Variants in SMC4 observed in about 807,000 individuals in gnomAD.
SMC4 encodes structural maintenance of chromosomes protein 4.
SMC4 carries 87 observed loss-of-function variants against 145.6 expected under a neutral mutation model. The ratio of observed to expected loss-of-function variants is 0.60; its 90% CI spans 0.50 to 0.71. The LOEUF (loss-of-function observed/expected upper bound fraction) is 0.71. Among genes scored for constraint, SMC4 ranks in the 30% least tolerant of loss-of-function variants. The probability of loss-of-function intolerance (pLI) is 0.00; values close to 1 mark genes in which losing one functional copy is unlikely to be tolerated. For missense variants in SMC4, 1,447 were observed against 1,537.1 expected (o/e 0.94, Z 0.98); for synonymous variants, 558 against 500.7 (o/e 1.11, Z -1.53).
rs545167463 is a variant in SMC4, at chr3:160,414,347, C to T, written c.1122-20C>T. Reference sequence around the variant, plus strand: ...TGTGCACATTCAAAATAATGACTTACAATATACTTGCTTTGCTAGGAAACT... The same window carrying T: ...TGTGCACATTCAAAATAATGACTTATAATATACTTGCTTTGCTAGGAAACT... On this transcript the variant is annotated intron_variant, in intron 8 of 23. Coordinates refer to ENST00000357388, the MANE Select transcript of SMC4 (RefSeq NM_001002800.3). The T allele has an allele frequency of 2.3e-4, 367 of 1,570,072 alleles. No individual in the cohort carries two copies. The highest frequency in any genetic ancestry group is 2.9e-4 in the Non-Finnish European group (331 of 1,141,988).
At chr3:160,420,287 G>A (rs1717027446) in intron 12 of SMC4, among the ~76,000 whole-genome samples, 2 of 152,180 alleles carry the variant, frequency 1.3e-5, no homozygotes, top group Non-Finnish European at 2.9e-5. Context: ...GATTGCTTCT[G>A]CATCTTGTAT....
intron 1 of SMC4, 32 bp from the exon 2 acceptor site, chr3:160,400,790 C>T (rs1420058014): frequency 4.8e-6 from 7 of 1,471,554 alleles, no homozygotes; most frequent in Non-Finnish European, 6.2e-6. Flanking sequence ...GGCCCGCGGG[C>T]TGACTTGCTC....
intron 7 of SMC4, 49 bp downstream of exon 7, chr3:160,412,502 T>C (rs1716118983): frequency 1.3e-6 from 2 of 1,536,402 alleles, no homozygotes; most frequent in Admixed American, 2.0e-5. Context: ...TTTTTAACCA[T>C]TAAGTCAAAG....
At position 160,433,916 on chromosome 3, in the gene SMC4, G is replaced by A; in HGVS notation, c.*107G>A. 1.3e-6 allele frequency: 1 copy of A among 767,830 alleles called. No individual in the cohort carries two copies. The highest frequency in any genetic ancestry group is 2.1e-6 in the Non-Finnish European group (1 of 483,742). 47.6% of individuals were successfully genotyped at this position (767,830 alleles called of 1,614,324 possible). On this transcript the variant is annotated 3_prime_UTR_variant, in exon 24 of 24. Transcript: ENST00000357388. ...ATACATACTCCCTAAACTAGATCAT[G>A]AAACTGGTTTCTGTTTTATGCAGTT...
intron 7 of SMC4, among the ~76,000 whole-genome samples, chr3:160,413,260 A>C (rs979932197): frequency 6.6e-6 from 1 of 152,118 alleles, no homozygotes; most frequent in African/African-American, 2.4e-5. Flanking sequence ...CTGGGATTAC[A>C]GGCGTCGGCC....
Position 160,400,937 on chromosome 3 carries a change from C to A in SMC4, c.111C>A (p.Gly37=). Residue 37 remains glycine (G), a synonymous_variant, in exon 2 of 24, where the codon GGC becomes GGA. Transcript: ENST00000357388. ...SSDAEPEPPS[G]RTESPATAAE... ...ACGCGGAGCCTGAGCCGCCGTCCGG[C>A]CGCACGGAGAGCCCAGCCACCGCCG... The A allele has an allele frequency of 6.8e-7, 1 of 1,463,164 alleles. No individual in the cohort carries two copies. Among genetic ancestry groups the A allele is most frequent in the Non-Finnish European group, 8.9e-7 (1 of 1,117,896 alleles). The allele number at this position is 1,463,164 out of a possible 1,614,324, so 90.6% of individuals were successfully genotyped here. A position where few individuals can be genotyped will look rare whatever the true frequency, so the allele number is the denominator to read the frequency against.
Position 160,430,634 on chromosome 3 carries a change from C to T in SMC4, c.2831C>T (p.Thr944Ile). ...AAGGCACAAGACTCTGTCTTGCGTA[C>T]AGAGAAAGAAATAAAAGATACTGAG... is the stretch of plus-strand genomic sequence containing the variant. Reference protein sequence around the residue: ...LQKAQDSVLRTEKEIKDTEKE... With the variant: ...LQKAQDSVLRIEKEIKDTEKE... Residue 944 changes from threonine to isoleucine, a missense_variant, in exon 19 of 24, where the codon ACA becomes ATA. Thr to Ile is a moderately conservative substitution (Grantham distance 89). Transcript: ENST00000357388. 6.2e-7 allele frequency: 1 copy of T among 1,612,920 alleles called. No homozygotes were observed. The highest frequency in any genetic ancestry group is 1.1e-5 in the South Asian group (1 of 90,918).
chr3:160,426,996 T>A (rs2108497141), intron 17 of SMC4, among the ~76,000 whole-genome samples: 1 of 152,324 alleles, frequency 6.6e-6, no homozygotes, highest in East Asian at 1.9e-4. Context: ...AGAGTGGAGT[T>A]GGAGCGATTA....
rs1420436977 is a variant in SMC4 at position 160,400,939 on chromosome 3, G to C, written c.113G>C (p.Arg38Pro). 6.9e-7 allele frequency: 1 copy of C among 1,459,386 alleles called. No individual in the cohort carries two copies. The highest frequency in any genetic ancestry group is 2.9e-5 in the East Asian group (1 of 34,376). The allele number at this position is 1,459,386 out of a possible 1,614,324, so 90.4% of individuals were successfully genotyped here. A position where few individuals can be genotyped will look rare whatever the true frequency, so the allele number is the denominator to read the frequency against. ...GCGGAGCCTGAGCCGCCGTCCGGCC[G>C]CACGGAGAGCCCAGCCACCGCCGCA... ...SDAEPEPPSG[R>P]TESPATAAET... Residue 38 changes from arginine (R) to proline (P), a missense_variant, in exon 2 of 24, where the codon CGC becomes CCC. Physicochemically the swap from Arg to Pro is moderately radical, Grantham distance 103. Transcript: ENST00000357388.
intron 5 of SMC4, chr3:160,404,951 T>G (rs2108450131): frequency 3.4e-6 from 1 of 295,652 alleles, no homozygotes; most frequent in East Asian, 9.9e-5. Context: ...TTCTGATATA[T>G]AACCAAAAAA....
chr3:160,430,501 A>C, intron 18 of SMC4, 98 bp from the exon 19 acceptor site: 4 of 1,066,198 alleles, frequency 3.8e-6, no homozygotes, highest in Non-Finnish European at 5.3e-6. Flanking sequence ...AATAGAAAAA[A>C]TGTCACATTA....
chr3:160,420,739 G>T lies in SMC4; in HGVS notation c.1858-1G>T. On this transcript the variant is annotated splice_acceptor_variant, in intron 12 of 23. Transcript: ENST00000357388. LOFTEE classifies it high-confidence loss of function. ...TTTTTCACCCCACTCTTCATTATTAGGGGGACTTAGGAGCCATTGATGAAA... is the reference window on the plus strand; with the variant it reads ...TTTTTCACCCCACTCTTCATTATTATGGGGACTTAGGAGCCATTGATGAAA... 1 of 1,612,712 alleles carries T rather than the reference G, an allele frequency of 6.2e-7. No individual in the cohort carries two copies. The highest frequency in any genetic ancestry group is 1.1e-5 in the South Asian group (1 of 90,626).
intron 4 of SMC4, among the ~76,000 whole-genome samples, chr3:160,403,541 T>G (rs1714949608): frequency 6.6e-6 from 1 of 152,102 alleles, no homozygotes; most frequent in Non-Finnish European, 1.5e-5. Context: ...GGGAGGTGAT[T>G]TGTCTTTTGA....
chr3:160,431,008 C>T, intron 19 of SMC4, 24 bp from the exon 20 acceptor site: 1 of 1,577,742 alleles, frequency 6.3e-7, no homozygotes, highest in Non-Finnish European at 8.6e-7. Flanking sequence ...AAAATTCTAT[C>T]TAGCAGTTCT....
chr3:160,403,000 C>A, intron 4 of SMC4, 133 bp downstream of exon 4: 3 of 617,566 alleles, frequency 4.9e-6, no homozygotes, highest in Non-Finnish European at 7.9e-6. Context: ...TATCTCTGAC[C>A]GTATTTTATT....
At chr3:160,418,000 C>A in intron 11 of SMC4, 44 bp downstream of exon 11, 1 of 1,491,454 alleles carries the variant, frequency 6.7e-7, no homozygotes, top group South Asian at 1.2e-5. Context: ...CATTCGTCCA[C>A]TTCAGCTTTA....
chr3:160,431,717 T>A lies in SMC4; in HGVS notation c.3189T>A (p.Leu1063=), dbSNP rs766287778. Residue 1063 remains leucine (L), a synonymous_variant, in exon 21 of 24, where the codon CTT becomes CTA. Transcript: ENST00000357388. ...EEISVLSPED[L]EAIKNPDSIT... ...TTTCGGTTCTAAGCCCAGAGGATCT[T>A]GAAGCGATCAAGAATCCAGATTCTA... The A allele has an allele frequency of 5.3e-5, 86 of 1,613,878 alleles. No individual in the cohort carries two copies. In the East Asian group the frequency reaches 1.9e-3, roughly 35 times the overall value.
intron 2 of SMC4, among the ~76,000 whole-genome samples, chr3:160,401,698 C>T (rs927402626): frequency 5.9e-5 from 9 of 152,104 alleles, no homozygotes; most frequent in Non-Finnish European, 1.3e-4. Flanking sequence ...TCAAGAATTT[C>T]TTTTTTAGTA....
intron 5 of SMC4, among the ~76,000 whole-genome samples, chr3:160,406,985 G>T (rs1228569079): frequency 6.6e-6 from 1 of 152,102 alleles, no homozygotes; most frequent in Non-Finnish European, 1.5e-5. Flanking sequence ...TACTTTGGGA[G>T]CCTCGGTCCC....
Sources: gnomAD v4.1 joint callset for allele counts (sites outside exome capture counted in the v4.1 genomes callset) on GRCh38, gnomAD v4.1.1 for gene constraint, MANE v1.5 for transcripts, NCBI Gene and HGNC (gene_info 2026-07-23, HGNC 2026-07-21) for gene names.